Variants in DGKB observed in about 807,000 individuals in gnomAD.
The protein encoded by DGKB is diacylglycerol kinase beta.
Under a neutral mutation model 114.3 loss-of-function variants are expected in DGKB, and 67 were observed. That is an observed-to-expected ratio of 0.59 (90% CI 0.48 to 0.72). The LOEUF (loss-of-function observed/expected upper bound fraction) is 0.72. Among genes scored for constraint, DGKB ranks in the 30% least tolerant of loss-of-function variants. The probability of loss-of-function intolerance (pLI) is 0.00; values close to 1 mark genes in which losing one functional copy is unlikely to be tolerated. For synonymous variants in DGKB, 398 were observed against 323.1 expected (o/e 1.23, Z -2.49); for missense variants, 907 against 975.2 (o/e 0.93, Z 0.93).
chr7:14,349,313 A>T lies in DGKB; in HGVS notation c.1836-3922T>A, dbSNP rs184234952. On this transcript the variant is annotated intron_variant, in intron 21 of 25. Coordinates refer to ENST00000402815, the MANE Select transcript of DGKB (RefSeq NM_001350709.2). ...CAGAGTCTAAATCCAGCCTAAAAAG[A>T]GATATGGGTTTATATTTTGGCAGGT... Among the ~76,000 whole-genome samples, 337 of 152,186 alleles carry T rather than the reference A, an allele frequency of 2.2e-3. 1 individual carries two copies. The highest frequency in any genetic ancestry group is 0.017 in the Admixed American group (264 of 15,252).
intron 1 of DGKB, among the ~76,000 whole-genome samples, chr7:14,883,940 C>A (rs970460704): frequency 6.6e-6 from 1 of 151,934 alleles, no homozygotes; most frequent in Non-Finnish European, 1.5e-5. Context: ...ATCACCATTC[C>A]GTCACTTATC....
chr7:14,554,007 G>A (rs1461048610), intron 20 of DGKB, among the ~76,000 whole-genome samples: 2 of 151,404 alleles, frequency 1.3e-5, no homozygotes, highest in Non-Finnish European at 2.9e-5. Context: ...CGAGTAGCTG[G>A]GACTACAGGC....
chr7:14,922,726 T>C (rs571272875), intron 1 of DGKB, among the ~76,000 whole-genome samples: 1 of 152,270 alleles, frequency 6.6e-6, no homozygotes, highest in East Asian at 1.9e-4. Flanking sequence ...AAAACTCTTA[T>C]GAAATTGACC....
intron 21 of DGKB, among the ~76,000 whole-genome samples, chr7:14,434,527 C>T (rs1053145940): frequency 6.6e-6 from 1 of 152,070 alleles, no homozygotes; most frequent in African/African-American, 2.4e-5. Context: ...GAAAAGGAGC[C>T]ATGCTGGAAA....
intron 23 of DGKB, among the ~76,000 whole-genome samples, chr7:14,269,707 G>A (rs1183837932): frequency 6.6e-6 from 1 of 152,102 alleles, no homozygotes; most frequent in Non-Finnish European, 1.5e-5. Flanking sequence ...TGGAATTGCA[G>A]TTCATGGATT....
chr7:14,253,811 G>T lies in DGKB; in HGVS notation c.2123-75660C>A, dbSNP rs978318014. On this transcript the variant is annotated intron_variant, in intron 23 of 25. Coordinates refer to ENST00000402815, the MANE Select transcript of DGKB (RefSeq NM_001350709.2). ...GGGCTTCTCTTGTATGTGTCCATTTGTCTCCCAAATATACAGTATGTGCCT... is the reference window on the plus strand; with the variant it reads ...GGGCTTCTCTTGTATGTGTCCATTTTTCTCCCAAATATACAGTATGTGCCT... Among the ~76,000 whole-genome samples the T allele has an allele frequency of 2.0e-5, 3 of 152,170 alleles. No homozygotes were observed. In the East Asian group the frequency reaches 5.8e-4, roughly 29 times the overall value.
At chr7:14,186,052 A>C (rs1783374008) in intron 23 of DGKB, among the ~76,000 whole-genome samples, 1 of 152,246 alleles carries the variant, frequency 6.6e-6, no homozygotes. Flanking sequence ...TTTGCATGGC[A>C]AAAGGAACAG....
In DGKB at chr7:14,338,615, T is replaced by A. The variant is rs1811101944; in HGVS notation, c.2022A>T (p.Gly674=). 1 of 1,610,322 alleles carries A rather than the reference T, an allele frequency of 6.2e-7. No individual in the cohort carries two copies. The highest frequency in any genetic ancestry group is 8.5e-7 in the Non-Finnish European group (1 of 1,177,884). The change falls in exon 23 of 26, where the codon GGA becomes GGT. Residue 674 remains glycine, a synonymous_variant. Transcript: ENST00000402815. ...GATGGCTTCGTCTTTTCTTAGACTC[T>A]CCCCAAAGATTGGATCCTCCATGCA... ...PSMHGGSNLW[G]ESKKRRSHRR...
At chr7:14,211,318 A>ACTCTCATGCTTTGTGAT (rs1562627321) in intron 23 of DGKB, among the ~76,000 whole-genome samples, 2 of 57,770 alleles carry the variant, frequency 3.5e-5, no homozygotes, top group Admixed American at 4.4e-4. Context: ...GTTTTGTGAT[A>ACTCTCATGCTTTGTGAT]TTTACTCTCA....
At chr7:14,676,432 G>T (rs1017113118) in intron 12 of DGKB, among the ~76,000 whole-genome samples, 1 of 152,056 alleles carries the variant, frequency 6.6e-6, no homozygotes, top group African/African-American at 2.4e-5. Context: ...AAGGTAATTG[G>T]ATTGTTTGCA....
intron 20 of DGKB, among the ~76,000 whole-genome samples, chr7:14,531,633 G>A (rs912253258): frequency 6.8e-6 from 1 of 148,092 alleles, no homozygotes; most frequent in Non-Finnish European, 1.5e-5. Context: ...AAAAATAAAT[G>A]TAATAAAATC....
chr7:14,596,477 C>A (rs1229519003), intron 17 of DGKB, among the ~76,000 whole-genome samples: 1 of 152,156 alleles, frequency 6.6e-6, no homozygotes, highest in Non-Finnish European at 1.5e-5. Flanking sequence ...AGTGTAAAGT[C>A]ACACTGAGCA....
chr7:14,844,651 T>C (rs1053623246), intron 1 of DGKB, among the ~76,000 whole-genome samples: 3 of 152,196 alleles, frequency 2.0e-5, no homozygotes, highest in Non-Finnish European at 2.9e-5. Flanking sequence ...TTTCTTAACA[T>C]GGCCATTTCC....
At chr7:14,373,408 A>C (rs1329125200) in intron 21 of DGKB, among the ~76,000 whole-genome samples, 1 of 152,208 alleles carries the variant, frequency 6.6e-6, no homozygotes, top group Non-Finnish European at 1.5e-5. Flanking sequence ...ATTGCATAAA[A>C]ATGACAGAAA....
intron 23 of DGKB, among the ~76,000 whole-genome samples, chr7:14,223,942 T>C (rs1364359995): frequency 6.6e-6 from 1 of 151,808 alleles, no homozygotes; most frequent in Non-Finnish European, 1.5e-5. Flanking sequence ...TCCAGGTCTT[T>C]TTCCAGGTCC....
Position 14,328,330 on chromosome 7 carries a change from T to A in DGKB, c.2122+10185A>T, listed in dbSNP as rs147796284. 2.0e-3 allele frequency among the ~76,000 whole-genome samples: 300 copies of A among 152,220 alleles called. 3 individuals carry two copies. In the South Asian group the frequency reaches 0.025, roughly 13 times the overall value. ...TTCAATATTTTTGAAAATATTGTTATGTTTGTGTTTTATTCACAGAAATTC... is the reference window on the plus strand; with the variant it reads ...TTCAATATTTTTGAAAATATTGTTAAGTTTGTGTTTTATTCACAGAAATTC... On this transcript the variant is annotated intron_variant, in intron 23 of 25. Coordinates refer to ENST00000402815, the MANE Select transcript of DGKB (RefSeq NM_001350709.2).
intron 23 of DGKB, among the ~76,000 whole-genome samples, chr7:14,321,178 C>A (rs1415666642): frequency 6.6e-6 from 1 of 152,078 alleles, no homozygotes; most frequent in Non-Finnish European, 1.5e-5. Flanking sequence ...GTGGTCCCAG[C>A]CGCTTGGGAA....
chr7:14,333,845 C>G (rs1409242261), intron 23 of DGKB, among the ~76,000 whole-genome samples: 1 of 152,144 alleles, frequency 6.6e-6, no homozygotes, highest in Non-Finnish European at 1.5e-5. Context: ...ATGATACTTG[C>G]TGTATCATTG....
At chr7:14,961,965 A>G (rs1046996394) in intron 1 of DGKB, among the ~76,000 whole-genome samples, 6 of 152,166 alleles carry the variant, frequency 3.9e-5, no homozygotes, top group African/African-American at 1.4e-4. Context: ...TAACCATGTT[A>G]TCTATCCAAT....
Sources: gnomAD v4.1 joint callset for allele counts (sites outside exome capture counted in the v4.1 genomes callset) on GRCh38, gnomAD v4.1.1 for gene constraint, MANE v1.5 for transcripts, NCBI Gene and HGNC (gene_info 2026-07-23, HGNC 2026-07-21) for gene names.